FMNL2: variants seen among roughly 807,000 people sequenced by gnomAD.
FMNL2 encodes formin like 2, also known as formin-like protein 2.
A neutral mutation model predicts 130.2 loss-of-function variants in FMNL2; 51 were observed. The observed-to-expected ratio is 0.39, with a 90% CI of 0.31 to 0.49. The LOEUF (loss-of-function observed/expected upper bound fraction) is 0.49, where lower values mean the gene tolerates loss of function less well. FMNL2 is among the 20% of genes least tolerant of loss of function. The probability of loss-of-function intolerance (pLI) is 0.85; values close to 1 mark genes in which losing one functional copy is unlikely to be tolerated. For missense variants in FMNL2, 977 were observed against 1,316.2 expected (o/e 0.74, Z 3.99); for synonymous variants, 465 against 467.1 (o/e 1.00, Z 0.06).
Position 152,591,522 on chromosome 2 carries a change from C to G in FMNL2, c.876+10473C>G, listed in dbSNP as rs1172275078. Among the ~76,000 whole-genome samples, 7 of 152,364 alleles carry G rather than the reference C, an allele frequency of 4.6e-5. No individual in the cohort carries two copies. The South Asian group carries it at 8.3e-4, about 18-fold the overall frequency. ...GAGTTTGTTAGAAAATAAAAGGTTT[C>G]AGGCCAGGCGCAACGGCTCATGCCG... is the stretch of plus-strand genomic sequence containing the variant. On this transcript the variant is annotated intron_variant, in intron 9 of 25. Coordinates refer to ENST00000288670, the MANE Select transcript of FMNL2 (RefSeq NM_052905.4).
chr2:152,545,382 G>T, intron 3 of FMNL2, among the ~76,000 whole-genome samples: 1 of 151,982 alleles, frequency 6.6e-6, no homozygotes, highest in Admixed American at 6.6e-5. Context: ...TTAATCTTTT[G>T]TGCAAATTGA....
chr2:152,465,302 C>T (rs1217461335), intron 1 of FMNL2, among the ~76,000 whole-genome samples: 2 of 152,198 alleles, frequency 1.3e-5, no homozygotes, highest in Non-Finnish European at 2.9e-5. Flanking sequence ...CCATGTCAGA[C>T]CTCAATTCAG....
chr2:152,444,298 T>A (rs1688224046), intron 1 of FMNL2, among the ~76,000 whole-genome samples: 1 of 152,096 alleles, frequency 6.6e-6, no homozygotes, highest in Non-Finnish European at 1.5e-5. Context: ...TAGAGGCATG[T>A]CCATGGGAGT....
At chr2:152,431,390 A>G (rs1196316151) in intron 1 of FMNL2, among the ~76,000 whole-genome samples, 2 of 152,232 alleles carry the variant, frequency 1.3e-5, no homozygotes, top group African/African-American at 4.8e-5. Flanking sequence ...TGTTTTGTTT[A>G]CCAACTGGTT....
rs574124896 is a variant in FMNL2, at chr2:152,397,138, A to G, written c.117+61418A>G. 3.3e-5 allele frequency among the ~76,000 whole-genome samples: 5 copies of G among 152,334 alleles called. 1 individual carries two copies. In the South Asian group the frequency reaches 1.0e-3, roughly 32 times the overall value. On this transcript the variant is annotated intron_variant, in intron 1 of 25. Coordinates refer to ENST00000288670, the MANE Select transcript of FMNL2 (RefSeq NM_052905.4). ...GGATTTAATGTTGCTTTACCTAAGG[A>G]TGTTAGGGTTCACCAAATCCTGCTT...
chr2:152,575,961 G>A (rs1053959660), intron 7 of FMNL2, among the ~76,000 whole-genome samples: 1 of 152,072 alleles, frequency 6.6e-6, no homozygotes, highest in African/African-American at 2.4e-5. Flanking sequence ...ACGTGTGCTG[G>A]GTTAATCTTA....
rs35382323 is a variant in FMNL2, at chr2:152,533,546, CTTTT to C, written c.202-9175_202-9172del. 9.3e-3 allele frequency among the ~76,000 whole-genome samples: 1,078 copies of C among 115,318 alleles called. 10 individuals are homozygous for C. The highest frequency in any genetic ancestry group is 0.028 in the African/African-American group (870 of 30,570). 75.7% of individuals were successfully genotyped at this position (115,318 alleles called of 152,430 possible). ...AAATCAGGTAGTGTCAATTCTCCAA[CTTTT>C]TTTTTTTTTTTTTTTTTGCTAAATT... On this transcript the variant is annotated intron_variant, in intron 2 of 25. Coordinates refer to ENST00000288670, the MANE Select transcript of FMNL2 (RefSeq NM_052905.4).
chr2:152,417,314 A>G (rs1209411775), intron 1 of FMNL2, among the ~76,000 whole-genome samples: 1 of 152,190 alleles, frequency 6.6e-6, no homozygotes, highest in Non-Finnish European at 1.5e-5. Context: ...GTCTCCGGAT[A>G]CAAAACTTCA....
chr2:152,384,637 C>T (rs549638644), intron 1 of FMNL2, among the ~76,000 whole-genome samples: 1 of 152,246 alleles, frequency 6.6e-6, no homozygotes, highest in African/African-American at 2.4e-5. Context: ...GGACTCTTCT[C>T]CTCGGTTCAG....
chr2:152,546,985 A>C (rs1579933071), intron 3 of FMNL2, among the ~76,000 whole-genome samples: 1 of 137,864 alleles, frequency 7.3e-6, no homozygotes. Flanking sequence ...TCGCTCTGTC[A>C]CCCCGGATGG....
rs922604708 is a variant in FMNL2 at position 152,602,009 on chromosome 2, G to C, written c.877-5330G>C. On this transcript the variant is annotated intron_variant, in intron 9 of 25. Transcript: ENST00000288670. ...TGATAGATGTGAAAACTGAAGTCCA[G>C]GGTTGTTTGCTGAATGGTCCAAGCT... Among the ~76,000 whole-genome samples, 7 of 152,260 alleles carry C rather than the reference G, an allele frequency of 4.6e-5. No homozygotes were observed. The East Asian group carries it at 1.4e-3, about 29-fold the overall frequency.
At chr2:152,435,495 A>G (rs893720374) in intron 1 of FMNL2, among the ~76,000 whole-genome samples, 5 of 152,090 alleles carry the variant, frequency 3.3e-5, no homozygotes, top group South Asian at 2.1e-4. Flanking sequence ...CCTGCATACC[A>G]TTACTTATGA....
chr2:152,532,119 C>G (rs1056540028), intron 2 of FMNL2, among the ~76,000 whole-genome samples: 2 of 151,854 alleles, frequency 1.3e-5, no homozygotes, highest in African/African-American at 4.8e-5. Flanking sequence ...TTATAGGATC[C>G]CTTGGAGTAC....
At chr2:152,340,508 G>T (rs1681736575) in intron 1 of FMNL2, among the ~76,000 whole-genome samples, 2 of 152,178 alleles carry the variant, frequency 1.3e-5, no homozygotes, top group South Asian at 4.1e-4. Context: ...TTCAAGCATG[G>T]AGTTAAAAAT....
intron 12 of FMNL2, among the ~76,000 whole-genome samples, chr2:152,615,733 A>G (rs1003314723): frequency 1.3e-5 from 2 of 152,242 alleles, no homozygotes; most frequent in African/African-American, 4.8e-5. Flanking sequence ...TATGAAGACC[A>G]AATTCTTTTG....
At chr2:152,465,067 T>C (rs943139781) in intron 1 of FMNL2, among the ~76,000 whole-genome samples, 5 of 152,204 alleles carry the variant, frequency 3.3e-5, no homozygotes, top group African/African-American at 1.2e-4. Flanking sequence ...GGATCAGTAC[T>C]ACCATGGCAG....
intron 9 of FMNL2, among the ~76,000 whole-genome samples, chr2:152,581,702 A>G (rs543970120): frequency 6.6e-6 from 1 of 152,250 alleles, no homozygotes; most frequent in African/African-American, 2.4e-5. Context: ...GGTAGTGGGC[A>G]GTGTTGTAGG....
chr2:152,545,556 A>G (rs577987217), intron 3 of FMNL2, among the ~76,000 whole-genome samples: 15 of 152,314 alleles, frequency 9.8e-5, no homozygotes, highest in African/African-American at 3.6e-4. Flanking sequence ...CTTATTTAAT[A>G]CCAGGAAGTG....
chr2:152,640,319 C>G (rs770073990), intron 24 of FMNL2, among the ~76,000 whole-genome samples: 1 of 152,206 alleles, frequency 6.6e-6, no homozygotes, highest in African/African-American at 2.4e-5. Context: ...AGAGGCCACA[C>G]CAGATGACCC....
Sources: allele counts gnomAD v4.1 joint callset (sites outside exome capture counted in the v4.1 genomes callset), GRCh38; gene constraint gnomAD v4.1.1; transcripts MANE v1.5; gene names NCBI Gene and HGNC (gene_info 2026-07-23, HGNC 2026-07-21).